Variants in SLC26A7 observed in about 807,000 individuals in gnomAD.
SLC26A7 encodes the protein solute carrier family 26 member 7, also known as anion exchange transporter.
In SLC26A7, 59 loss-of-function variants were observed where a neutral mutation model predicts 82.5. The ratio of observed to expected loss-of-function variants is 0.72; its 90% CI spans 0.58 to 0.89. The LOEUF is 0.89. Among genes scored for constraint, SLC26A7 ranks in the 40% least tolerant of loss-of-function variants. The pLI is 0.00. For synonymous variants in SLC26A7, 271 were observed against 274.3 expected (o/e 0.99, Z 0.12); for missense variants, 820 against 793.0 (o/e 1.03, Z -0.41).
intron 2 of SLC26A7, among the ~76,000 whole-genome samples, chr8:91,239,944 A>G (rs1313819243): frequency 6.6e-6 from 1 of 152,238 alleles, no homozygotes; most frequent in Non-Finnish European, 1.5e-5. Context: ...ACTCAAAACT[A>G]CTGAAAGACT....
At chr8:91,385,367 C>T (rs1461155551) in intron 15 of SLC26A7, among the ~76,000 whole-genome samples, 1 of 152,116 alleles carries the variant, frequency 6.6e-6, no homozygotes, top group South Asian at 2.1e-4. Context: ...AATGGCAGAA[C>T]TGAAAGGATA....
At chr8:91,340,669 G>T (rs1274230183) in intron 8 of SLC26A7, 118 bp downstream of exon 8, 17 of 1,218,234 alleles carry the variant, frequency 1.4e-5, no homozygotes, top group Admixed American at 2.4e-5. Flanking sequence ...CAGCAAGAGT[G>T]GGTTGAACAA....
chr8:91,394,845 A>G, intron 18 of SLC26A7: 1 of 799,100 alleles, frequency 1.3e-6, no homozygotes, highest in Non-Finnish European at 1.8e-6. Context: ...CTGACCAGGG[A>G]AATTACACCA....
intron 9 of SLC26A7, chr8:91,344,163 T>C: frequency 2.0e-6 from 2 of 985,390 alleles, no homozygotes; most frequent in Non-Finnish European, 2.4e-6. Flanking sequence ...TTTAATCCTA[T>C]GAAAAACTAA....
intron 8 of SLC26A7, among the ~76,000 whole-genome samples, chr8:91,342,271 T>G (rs928801502): frequency 3.9e-5 from 6 of 152,172 alleles, no homozygotes; most frequent in African/African-American, 1.4e-4. Context: ...AGGCCTTCTT[T>G]GGTAATCTAA....
rs768762392 is a variant in SLC26A7, at chr8:91,301,729, A to C, written c.477+6026A>C. On this transcript the variant is annotated intron_variant, in intron 4 of 18. Coordinates refer to ENST00000276609, the MANE Select transcript of SLC26A7 (RefSeq NM_052832.4). ...GCTTTTATCTTTATTATTTCCTTCA[A>C]TTTACCATTATTTTATTGTTTGGTT... Among the ~76,000 whole-genome samples the C allele has an allele frequency of 2.0e-5, 3 of 149,334 alleles. No homozygotes were observed. In the East Asian group the frequency reaches 5.9e-4, roughly 29 times the overall value.
chr8:91,364,507 T>G (rs1266525246), intron 13 of SLC26A7, among the ~76,000 whole-genome samples: 1 of 152,190 alleles, frequency 6.6e-6, no homozygotes, highest in Non-Finnish European at 1.5e-5. Flanking sequence ...AGGCTCAAGT[T>G]TTCCACCAAC....
chr8:91,264,839 A>T (rs998858460), intron 2 of SLC26A7, among the ~76,000 whole-genome samples: 1 of 152,064 alleles, frequency 6.6e-6, no homozygotes, highest in African/African-American at 2.4e-5. Context: ...ATAATGATCA[A>T]ATCAAGGTAG....
intron 2 of SLC26A7, among the ~76,000 whole-genome samples, chr8:91,221,566 G>T (rs12541531): frequency 0.44 from 66,208 of 152,010 alleles, 16,635 homozygotes; most frequent in South Asian, 0.64. Flanking sequence ...TAAGGAAGGG[G>T]TCCAGTTTCA....
At chr8:91,282,776 CAT>C (rs1811608730) in intron 2 of SLC26A7, among the ~76,000 whole-genome samples, 2 of 152,210 alleles carry the variant, frequency 1.3e-5, no homozygotes, top group South Asian at 4.1e-4. Flanking sequence ...CACTTTGTCA[CAT>C]GTGTCCTTTT....
At chr8:91,371,474 T>C (rs1169556302) in intron 15 of SLC26A7, among the ~76,000 whole-genome samples, 1 of 151,934 alleles carries the variant, frequency 6.6e-6, no homozygotes, top group Non-Finnish European at 1.5e-5. Flanking sequence ...CTCCCACTTA[T>C]AAGTGAGAAC....
chr8:91,352,832 C>A, intron 10 of SLC26A7, 69 bp from the exon 11 acceptor site: 1 of 1,231,688 alleles, frequency 8.1e-7, no homozygotes, highest in Non-Finnish European at 1.2e-6. Context: ...AATAAAAATA[C>A]CTTAGCCCTT....
intron 4 of SLC26A7, among the ~76,000 whole-genome samples, chr8:91,307,800 A>G (rs1203420401): frequency 1.3e-5 from 1 of 76,340 alleles, no homozygotes; most frequent in Non-Finnish European, 2.7e-5. Context: ...AAAGTATAAT[A>G]ATAAAAATAA....
chr8:91,276,354 A>G (rs1415031490), intron 2 of SLC26A7, among the ~76,000 whole-genome samples: 1 of 152,234 alleles, frequency 6.6e-6, no homozygotes, highest in African/African-American at 2.4e-5. Context: ...TTATTTTATT[A>G]TTACTATTAT....
intron 13 of SLC26A7, among the ~76,000 whole-genome samples, chr8:91,364,552 G>T (rs1161007635): frequency 6.6e-6 from 1 of 151,978 alleles, no homozygotes; most frequent in African/African-American, 2.4e-5. Flanking sequence ...TTTTTCCATG[G>T]GAATTTAGTG....
intron 1 of SLC26A7, among the ~76,000 whole-genome samples, chr8:91,215,520 A>C (rs1220728847): frequency 6.6e-6 from 1 of 152,198 alleles, no homozygotes; most frequent in Non-Finnish European, 1.5e-5. Flanking sequence ...TTTTTAAAAA[A>C]CACGTAGAGA....
intron 5 of SLC26A7, among the ~76,000 whole-genome samples, chr8:91,331,433 C>T (rs1813078591): frequency 6.6e-6 from 1 of 152,038 alleles, no homozygotes; most frequent in Non-Finnish European, 1.5e-5. Context: ...TAAATGGATT[C>T]CATTTTCAAT....
chr8:91,249,604 T>A lies in SLC26A7; in HGVS notation c.-48T>A. ...TGAAAGGAGGTGTTCTGCAATGATTTTTTTTCTTGTTTAGAGAAGTTTACT... is the reference window on the plus strand; with the variant it reads ...TGAAAGGAGGTGTTCTGCAATGATTATTTTTCTTGTTTAGAGAAGTTTACT... On this transcript the variant is annotated 5_prime_UTR_variant, in exon 2 of 19. Transcript: ENST00000276609. 6.9e-7 allele frequency: 1 copy of A among 1,441,010 alleles called. No homozygotes were observed. 89.3% of individuals were successfully genotyped at this position (1,441,010 alleles called of 1,614,324 possible).
At chr8:91,357,575 A>G (rs913104420) in intron 11 of SLC26A7, among the ~76,000 whole-genome samples, 10 of 152,290 alleles carry the variant, frequency 6.6e-5, no homozygotes, top group African/African-American at 1.9e-4. Context: ...AGCTGAAACT[A>G]ATCCCTTCCT....
Sources: gnomAD v4.1 joint callset for allele counts (sites outside exome capture counted in the v4.1 genomes callset) on GRCh38, gnomAD v4.1.1 for gene constraint, MANE v1.5 for transcripts, NCBI Gene and HGNC (gene_info 2026-07-23, HGNC 2026-07-21) for gene names.